OR1L8: variants seen among roughly 807,000 people sequenced by gnomAD.
The protein encoded by OR1L8 is olfactory receptor 1L8.
For missense variants in OR1L8, 330 were observed against 377.4 expected, an observed-to-expected ratio of 0.87 and a Z score of 1.04; for synonymous variants, 148 against 147.0, an observed-to-expected ratio of 1.01 and a Z score of -0.05.
the OR1L8 span, among the ~76,000 whole-genome samples, chr9:122,561,810 A>G: frequency 3.3e-5 from 5 of 152,186 alleles, no homozygotes; most frequent in Non-Finnish European, 7.4e-5. Flanking sequence ...GGTCTCACCC[A>G]GTTGGTGGCA....
At chr9:122,572,216 C>A (rs1004141483) in intron 4 of OR1L8, among the ~76,000 whole-genome samples, 4 of 152,164 alleles carry the variant, frequency 2.6e-5, no homozygotes, top group African/African-American at 9.7e-5. Context: ...CTAGGGCCCA[C>A]CTTCAACACT....
At chr9:122,547,355 GTTTTA>G in the OR1L8 span, among the ~76,000 whole-genome samples, 5 of 152,084 alleles carry the variant, frequency 3.3e-5, no homozygotes, top group Admixed American at 2.0e-4. Context: ...CAATTTGATT[GTTTTA>G]TTTTATTTGT....
chr9:122,567,473 T>C lies in OR1L8; in HGVS notation c.*75A>G. 8.9e-7 allele frequency: 1 copy of C among 1,129,126 alleles called. No homozygotes were observed. Among genetic ancestry groups the C allele is most frequent in the Admixed American group, 2.3e-5 (1 of 43,722 alleles). 69.9% of individuals were successfully genotyped at this position (1,129,126 alleles called of 1,614,324 possible). A position where few individuals can be genotyped will look rare whatever the true frequency, so the allele number is the denominator to read the frequency against. ...AGTGCTAGCTTCCAACAGCTTTGAC[T>C]GTTCACCAGAAACCAGTAGAAAACA... On this transcript the variant is annotated 3_prime_UTR_variant, in exon 5 of 5. Coordinates refer to ENST00000641027, the MANE Select transcript of OR1L8 (RefSeq NM_001004454.2).
At chr9:122,565,660 C>A (rs1235288126), downstream of OR1L8, among the ~76,000 whole-genome samples, 1 of 152,194 alleles carries the variant, frequency 6.6e-6, no homozygotes, top group African/African-American at 2.4e-5. Context: ...AAGTATGGAT[C>A]CCGTCACCCA....
At chr9:122,556,301 G>A in the OR1L8 span, among the ~76,000 whole-genome samples, 1 of 148,932 alleles carries the variant, frequency 6.7e-6, no homozygotes, top group South Asian at 2.1e-4. Flanking sequence ...TTTTCATGTG[G>A]ATGTCTAGTT....
chr9:122,568,454 G>C lies in OR1L8; in HGVS notation c.24C>G (p.Ser8Arg). 6.3e-7 allele frequency: 1 copy of C among 1,596,634 alleles called. No individual in the cohort carries two copies. The highest frequency in any genetic ancestry group is 8.5e-7 in the Non-Finnish European group (1 of 1,171,464). Residue 8 changes from serine (S) to arginine (R), a missense_variant, in exon 5 of 5, where the codon AGC becomes AGG. By Grantham distance (110) the Ser-to-Arg change is moderately radical. Transcript: ENST00000641027. ...CCAGGAGGATAAACTCGGAGACACT[G>C]CTGGTGTGGTTGATTCTTTCCATTG... MERINHT[S>R]SVSEFILLGL... is the part of the protein sequence containing the mutation.
At chr9:122,549,718 A>G in the OR1L8 span, among the ~76,000 whole-genome samples, 103 of 152,046 alleles carry the variant, frequency 6.8e-4, no homozygotes, top group African/African-American at 2.5e-3. Context: ...CCATTGATCT[A>G]TGTGTCTGTT....
intron 1 of OR1L8, 84 bp downstream of exon 1, chr9:122,583,237 T>G (rs988936917): frequency 6.6e-6 from 1 of 151,742 alleles, no homozygotes; most frequent in Non-Finnish European, 1.5e-5. Flanking sequence ...CTGAGAGACA[T>G]TCTATAAAAT....
the OR1L8 span, chr9:122,553,391 T>A: frequency 6.2e-7 from 1 of 1,614,068 alleles, no homozygotes; most frequent in South Asian, 1.1e-5. Flanking sequence ...ACCTCCATAC[T>A]CCCATGTACT....
At chr9:122,573,170 G>T (rs75402566) in intron 3 of OR1L8, among the ~76,000 whole-genome samples, 7,496 of 152,166 alleles carry the variant, frequency 0.049, 290 homozygotes, top group South Asian at 0.17. Context: ...ATATAGCTGT[G>T]GTGTGCTGAC....
Position 122,581,697 on chromosome 9 carries a change from A to T in OR1L8, c.-600+1624T>A, listed in dbSNP as rs1168346091. 3.3e-5 allele frequency among the ~76,000 whole-genome samples: 5 copies of T among 152,302 alleles called. No individual in the cohort carries two copies. The South Asian group carries it at 1.0e-3, about 32-fold the overall frequency. The stretch of plus-strand genomic sequence containing the variant: ...CACAGTGGCTCATGTCTGTAATCCC[A>T]GCACTTTGGGAGGCTGAGGCGGGTA... On this transcript the variant is annotated intron_variant, in intron 1 of 4. Transcript: ENST00000641027.
At position 122,568,436 on chromosome 9, in the gene OR1L8, G is replaced by A. The variant is rs757236276; in HGVS notation, c.42C>T (p.Ile14=). ...INHTSSVSEF[I]LLGLSSRPED... ...CAGGCCGGGAGGAGAGTCCCAGGAG[G>A]ATAAACTCGGAGACACTGCTGGTGT... The change falls in exon 5 of 5, where the codon ATC becomes ATT. Residue 14 remains isoleucine, a synonymous_variant. Coordinates refer to ENST00000641027, the MANE Select transcript of OR1L8 (RefSeq NM_001004454.2). 1 of 1,610,392 alleles carries A rather than the reference G, an allele frequency of 6.2e-7. No homozygotes were observed. The highest frequency in any genetic ancestry group is 1.1e-5 in the South Asian group (1 of 90,572).
intron 4 of OR1L8, among the ~76,000 whole-genome samples, chr9:122,570,350 C>T (rs1388641606): frequency 2.0e-5 from 3 of 152,190 alleles, no homozygotes; most frequent in African/African-American, 7.2e-5. Context: ...TGTGAAACAA[C>T]TTCTTTACAG....
At chr9:122,555,776 A>C in the OR1L8 span, among the ~76,000 whole-genome samples, 1 of 152,250 alleles carries the variant, frequency 6.6e-6, no homozygotes, top group East Asian at 1.9e-4. Context: ...ATTGAGCAGA[A>C]AGTTCCCATA....
intron 1 of OR1L8, among the ~76,000 whole-genome samples, chr9:122,579,681 G>T (rs1829714683): frequency 6.6e-6 from 1 of 152,020 alleles, no homozygotes; most frequent in Admixed American, 6.5e-5. Flanking sequence ...AAGCATAAGG[G>T]GTATGGTGTC....
At chr9:122,547,677 C>A in the OR1L8 span, among the ~76,000 whole-genome samples, 1 of 148,452 alleles carries the variant, frequency 6.7e-6, no homozygotes, top group Non-Finnish European at 1.5e-5. Context: ...ACTACATTTT[C>A]TTTATCCAGT....
intron 4 of OR1L8, among the ~76,000 whole-genome samples, chr9:122,569,518 A>G (rs970739752): frequency 4.6e-5 from 7 of 152,244 alleles, no homozygotes; most frequent in Non-Finnish European, 8.8e-5. Context: ...TTGAGTAAGC[A>G]TATTCATTCA....
Position 122,571,282 on chromosome 9 carries a change from T to G in OR1L8, c.-213+1498A>C, listed in dbSNP as rs533411999. On this transcript the variant is annotated intron_variant, in intron 4 of 4. Coordinates refer to ENST00000641027, the MANE Select transcript of OR1L8 (RefSeq NM_001004454.2). ...AACTGGCCATGCATGCCGGGCGCGG[T>G]GGCTCACACCTGTAATCCCAGCACT... Among the ~76,000 whole-genome samples, 3 of 152,242 alleles carry G rather than the reference T, an allele frequency of 2.0e-5. No homozygotes were observed. In the East Asian group the frequency reaches 5.8e-4, roughly 29 times the overall value.
the OR1L8 span, among the ~76,000 whole-genome samples, chr9:122,548,685 C>A: frequency 7.8e-3 from 1,184 of 151,730 alleles, 8 homozygotes; most frequent in Non-Finnish European, 0.013. Context: ...TGTTGGTGTG[C>A]TGCACCCATT....
Sources: allele counts gnomAD v4.1 joint callset (sites outside exome capture counted in the v4.1 genomes callset), GRCh38; gene constraint gnomAD v4.1.1; transcripts MANE v1.5; gene names NCBI Gene and HGNC (gene_info 2026-07-23, HGNC 2026-07-21).